The following EPPK1 variants were observed in gnomAD, a reference collection of about 807,000 sequenced individuals.
EPPK1 encodes the protein epiplakin 1.
For missense variants in EPPK1, 3,823 were observed against 3,673.3 expected (o/e 1.04, Z -1.05); for synonymous variants, 1,862 against 1,721.2 (o/e 1.08, Z -2.03).
At position 143,871,556 on chromosome 8, in the gene EPPK1, G is replaced by C. The variant is rs782084767; in HGVS notation, c.1698C>G (p.Thr566=). ...ARVTFSGLRD[T]VTPGELLKAE... is the part of the protein sequence containing the mutation. ...CTTTCAGCAGCTCTCCTGGTGTCAC[G>C]GTGTCCCTCAGCCCAGAAAAGGTGA... is the stretch of plus-strand genomic sequence containing the variant. The change falls in exon 2 of 2, where the codon ACC becomes ACG. Residue 566 remains threonine (T), a synonymous_variant. Transcript: ENST00000615648. 1.9e-6 allele frequency: 3 copies of C among 1,609,584 alleles called. No homozygotes were observed. The highest frequency in any genetic ancestry group is 2.2e-5 in the East Asian group (1 of 44,754).
chr8:143,869,870 G>C lies in EPPK1; in HGVS notation c.3384C>G (p.Val1128=). 6.2e-7 allele frequency: 1 copy of C among 1,604,918 alleles called. No individual in the cohort carries two copies. The highest frequency in any genetic ancestry group is 1.1e-5 in the South Asian group (1 of 89,438). The change falls in exon 2 of 2, where the codon GTC becomes GTG. Residue 1128 remains valine (V), a synonymous_variant. Transcript: ENST00000615648. ...SAPALPTEEQ[V]QRSLQAVPGA... is the part of the protein sequence containing the mutation. ...CCGGCACGGCCTGCAGGCTCCTCTG[G>C]ACCTGCTCCTCGGTGGGGAGGGCAG...
Position 143,865,947 on chromosome 8 carries a change from C to T in EPPK1, c.7307G>A (p.Arg2436His), listed in dbSNP as rs1170913130. 5.5e-4 allele frequency: 35 copies of T among 63,076 alleles called. No homozygotes were observed. In the East Asian group the frequency reaches 9.3e-3, roughly 17 times the overall value. The allele number at this position is 63,076 out of a possible 1,614,324, so 3.9% of individuals were successfully genotyped here. The change falls in exon 2 of 2, where the codon CGC becomes CAC. Residue 2436 changes from arginine to histidine, a missense_variant. Transcript: ENST00000615648. ...QLSEELRCAL[R>H]DARVTPGSGA... ...CGAGCCTGGCGTCACGCGGGCGTCG[C>T]GCAGGGCACAGCGCAGCTCCTCGCT...
chr8:143,873,041 C>T lies in EPPK1; in HGVS notation c.213G>A (p.Gly71=). Residue 71 remains glycine (G), a synonymous_variant, in exon 2 of 2, where the codon GGG becomes GGA. Transcript: ENST00000615648. The part of the protein sequence containing the change: ...MEQGLLPAGL[G]QALLEAQAAT... ...CTGCCTGGGCCTCTAGCAGAGCCTG[C>T]CCGAGCCCAGCAGGCAGGAGGCCCT... The T allele has an allele frequency of 1.3e-6, 2 of 1,565,456 alleles. No homozygotes were observed. The highest frequency in any genetic ancestry group is 1.8e-5 in the Admixed American group (1 of 54,516).
chr8:143,869,132 C>A lies in EPPK1; in HGVS notation c.4122G>T (p.Leu1374=), dbSNP rs1819246101. 1 of 1,606,000 alleles carries A rather than the reference C, an allele frequency of 6.2e-7. No homozygotes were observed. The highest frequency in any genetic ancestry group is 1.3e-5 in the African/African-American group (1 of 74,926). Residue 1374 remains leucine, a synonymous_variant, in exon 2 of 2, where the codon CTG becomes CTT. Coordinates refer to ENST00000615648, the MANE Select transcript of EPPK1 (RefSeq NM_031308.4). ...CGAGTCTGCAGGCTGCCGCCTGGGGCAGGTGCACCCCGTGGACAGGGTCCA... is the reference window on the plus strand; with the variant it reads ...CGAGTCTGCAGGCTGCCGCCTGGGGAAGGTGCACCCCGTGGACAGGGTCCA... ...GVVDPVHGVH[L]PQAAACRLGL...
chr8:143,868,875 C>T lies in EPPK1; in HGVS notation c.4379G>A (p.Gly1460Glu). 6.2e-7 allele frequency: 1 copy of T among 1,610,650 alleles called. No homozygotes were observed. The highest frequency in any genetic ancestry group is 1.1e-5 in the South Asian group (1 of 91,066). Residue 1460 changes from glycine (G) to glutamate (E), a missense_variant, in exon 2 of 2, where the codon GGG becomes GAG. Coordinates refer to ENST00000615648, the MANE Select transcript of EPPK1 (RefSeq NM_031308.4). ...TGACACGCTACACCCCTTAAACCTCCCTGTGCTGACGGGCACCTTCATGGC... is the reference window on the plus strand; with the variant it reads ...TGACACGCTACACCCCTTAAACCTCTCTGTGCTGACGGGCACCTTCATGGC... ...LRAMKVPVST[G>E]RFKGCSVSLW...
chr8:143,871,973 G>C lies in EPPK1; in HGVS notation c.1281C>G (p.Asp427Glu). Residue 427 changes from aspartate (D) to glutamate (E), a missense_variant, in exon 2 of 2, where the codon GAC (aspartate) becomes GAG (glutamate). Coordinates refer to ENST00000615648, the MANE Select transcript of EPPK1 (RefSeq NM_031308.4). ...AALRCGCLDE[D>E]TQRQLSQAGS... ...CAGCCTGCGAGAGCTGCCGCTGAGT[G>C]TCTTCATCCAGGCAGCCGCAGCGCA... 1 of 1,597,386 alleles carries C rather than the reference G, an allele frequency of 6.3e-7. No individual in the cohort carries two copies. Among genetic ancestry groups the C allele is most frequent in the Admixed American group, 1.7e-5 (1 of 59,136 alleles).
rs1819280377 is a variant in EPPK1, at chr8:143,869,886, G to C, written c.3368C>G (p.Pro1123Arg). ...GCTCCTCTGGACCTGCTCCTCGGTG[G>C]GGAGGGCAGGAGCACTTTCTGGCAG... is the stretch of plus-strand genomic sequence containing the variant. The part of the protein sequence containing the change: ...LPLPESAPAL[P>R]TEEQVQRSLQ... The change falls in exon 2 of 2, where the codon CCC becomes CGC. Residue 1123 changes from proline to arginine, a missense_variant. Pro to Arg is a moderately radical substitution (Grantham distance 103, BLOSUM62 -2). Transcript: ENST00000615648. 6.2e-6 allele frequency: 10 copies of C among 1,607,364 alleles called. No homozygotes were observed. The highest frequency in any genetic ancestry group is 7.6e-6 in the Non-Finnish European group (9 of 1,177,630).
At position 143,871,329 on chromosome 8, in the gene EPPK1, A is replaced by T; in HGVS notation, c.1925T>A (p.Ile642Asn). 1 of 1,611,780 alleles carries T rather than the reference A, an allele frequency of 6.2e-7. No homozygotes were observed. Among genetic ancestry groups the T allele is most frequent in the Non-Finnish European group, 8.5e-7 (1 of 1,179,530 alleles). Residue 642 changes from isoleucine to asparagine, a missense_variant, in exon 2 of 2, where the codon ATC becomes AAC. Coordinates refer to ENST00000615648, the MANE Select transcript of EPPK1 (RefSeq NM_031308.4). Reference protein sequence around the residue: ...KGLLRPGTALILLEAQAATGF... With the variant: ...KGLLRPGTALNLLEAQAATGF... ...TGTGGCAGCTTGTGCCTCCAGAAGG[A>T]TGAGGGCAGTGCCGGGCCGGAGGAG... is the stretch of plus-strand genomic sequence containing the variant.
Position 143,869,052 on chromosome 8 carries a change from T to C in EPPK1, c.4202A>G (p.Lys1401Arg). 1 of 1,599,486 alleles carries C rather than the reference T, an allele frequency of 6.3e-7. No homozygotes were observed. Among genetic ancestry groups the C allele is most frequent in the Non-Finnish European group, 8.5e-7 (1 of 1,170,620 alleles). The change falls in exon 2 of 2, where the codon AAG becomes AGG. Residue 1401 changes from lysine to arginine, a missense_variant. Transcript: ENST00000615648. The part of the protein sequence containing the change: ...QVLTAVDKDN[K>R]FFFDPSARDQ... Reference sequence around the variant, plus strand: ...CCGCGCACTGGGGTCAAAGAAGAACTTGTTGTCCTTGTCAACTGCAGTCAG... The same window carrying C: ...CCGCGCACTGGGGTCAAAGAAGAACCTGTTGTCCTTGTCAACTGCAGTCAG...
chr8:143,876,844 G>C (rs1554662354), intron 1 of EPPK1, among the ~76,000 whole-genome samples: 1 of 152,242 alleles, frequency 6.6e-6, no homozygotes, highest in African/African-American at 2.4e-5. Flanking sequence ...TTCCCAGCAA[G>C]GGGGAGGGGC....
rs2130592366 is a variant in EPPK1, at chr8:143,858,087, T to A, written c.15167A>T (p.Asp5056Val). Residue 5056 changes from aspartate to valine, a missense_variant, in exon 2 of 2, where the codon GAC (aspartate) becomes GTC (valine). Asp to Val is a radical substitution (Grantham distance 152). Coordinates refer to ENST00000615648, the MANE Select transcript of EPPK1 (RefSeq NM_031308.4). ...CGTGAGGTTCTCGTGCGTGTTGGGG[T>A]CGAAGAAGCCCTTGGTGTCGTCGCT... Reference protein sequence around the residue: ...DPSDDTKGFFDPNTHENLTYL... With the variant: ...DPSDDTKGFFVPNTHENLTYL... 1 of 1,613,324 alleles carries A rather than the reference T, an allele frequency of 6.2e-7. No homozygotes were observed. Among genetic ancestry groups the A allele is most frequent in the Non-Finnish European group, 8.5e-7 (1 of 1,179,968 alleles).
At chr8:143,875,146 C>T (rs999492980) in intron 1 of EPPK1, among the ~76,000 whole-genome samples, 3 of 152,196 alleles carry the variant, frequency 2.0e-5, no homozygotes, top group Non-Finnish European at 4.4e-5. Flanking sequence ...CTCACAGGCA[C>T]CCCATGCTGC....
Position 143,871,468 on chromosome 8 carries a change from C to T in EPPK1, c.1786G>A (p.Val596Met). The T allele has an allele frequency of 1.2e-6, 2 of 1,608,692 alleles. No individual in the cohort carries two copies. The highest frequency in any genetic ancestry group is 1.7e-6 in the Non-Finnish European group (2 of 1,178,496). ...CTCTGCACCGAGGCCAGGCTGCCCA[C>T]ATCCTTGGCTGTGGCCTGTCCATGC... ...LEHGQATAKD[V>M]GSLASVQRYL... is the part of the protein sequence containing the mutation. Residue 596 changes from valine to methionine, a missense_variant, in exon 2 of 2, where the codon GTG (valine) becomes ATG (methionine). Transcript: ENST00000615648.
At position 143,869,712 on chromosome 8, in the gene EPPK1, C is replaced by A. The variant is rs545187585; in HGVS notation, c.3542G>T (p.Arg1181Met). 100 of 1,597,672 alleles carry A rather than the reference C, an allele frequency of 6.3e-5. 5 individuals carry two copies. The South Asian group carries it at 1.1e-3, about 18-fold the overall frequency. ...CAGGAGCTTGGTCTCCTGTACCCACCTCTGCACAGAGGCTAGCAGCTGTGG... is the reference window on the plus strand; with the variant it reads ...CAGGAGCTTGGTCTCCTGTACCCACATCTGCACAGAGGCTAGCAGCTGTGG... ...TVPQLLASVQRWVQETKLLAQ... is the reference protein window; with the variant it reads ...TVPQLLASVQMWVQETKLLAQ... The change falls in exon 2 of 2, where the codon AGG becomes ATG. Residue 1181 changes from arginine to methionine, a missense_variant. By Grantham distance (91) the Arg-to-Met change is moderately conservative. Coordinates refer to ENST00000615648, the MANE Select transcript of EPPK1 (RefSeq NM_031308.4).
chr8:143,874,411 C>T (rs553429384), intron 1 of EPPK1, among the ~76,000 whole-genome samples: 5 of 152,342 alleles, frequency 3.3e-5, no homozygotes, highest in African/African-American at 7.2e-5. Context: ...GAGGTCATAC[C>T]GGGCTAGGAT....
chr8:143,877,668 C>A (rs1282762818), intron 1 of EPPK1, among the ~76,000 whole-genome samples: 1 of 152,198 alleles, frequency 6.6e-6, no homozygotes, highest in Non-Finnish European at 1.5e-5. Context: ...CAGACCCTGG[C>A]AGCTGCCTGG....
Position 143,867,607 on chromosome 8 carries a change from G to A in EPPK1, c.5647C>T (p.Leu1883Phe), listed in dbSNP as rs373870804. The change falls in exon 2 of 2, where the codon CTC (leucine) becomes TTC (phenylalanine). Residue 1883 changes from leucine (L) to phenylalanine (F), a missense_variant. Physicochemically the swap from Leu to Phe is conservative, Grantham distance 22. Transcript: ENST00000615648. ...GGCTTCACACACTCCAGCGTGCTGA[G>A]TGCCTGTCCCCCAGTCCTCCCCACA... Reference protein sequence around the residue: ...LRVGRTGGQALSTLECVKPYL... With the variant: ...LRVGRTGGQAFSTLECVKPYL... 11 of 1,613,134 alleles carry A rather than the reference G, an allele frequency of 6.8e-6. No homozygotes were observed. The highest frequency in any genetic ancestry group is 9.3e-6 in the Non-Finnish European group (11 of 1,179,892).
rs782662791 is a variant in EPPK1, at chr8:143,867,152, G to A, written c.6102C>T (p.Gly2034=). Residue 2034 remains glycine (G), a synonymous_variant, in exon 2 of 2, where the codon GGC becomes GGT. Transcript: ENST00000615648. ...GCGCATAGATGTCCTTGTGCAGACA[G>A]CCCCGTCTGTAGGCTGTTTCCAGTG... ...RLPLETAYRR[G]CLHKDIYALI... is the part of the protein sequence containing the mutation. The A allele has an allele frequency of 1.7e-5, 28 of 1,612,780 alleles. No homozygotes were observed. The South Asian group carries it at 2.2e-4, about 13-fold the overall frequency.
rs1554660363 is a variant in EPPK1, at chr8:143,869,494, G to A, written c.3760C>T (p.Gln1254Ter). 2 of 1,548,574 alleles carry A rather than the reference G, an allele frequency of 1.3e-6. No homozygotes were observed. Among genetic ancestry groups the A allele is most frequent in the Non-Finnish European group, 1.7e-6 (2 of 1,152,132 alleles). Reference protein sequence around the residue: ...GTGCVAGVLLQPSGAKASIAQ... With the variant: ...GTGCVAGVLL ...ATGCTGGCCTTGGCCCCAGAGGGCT[G>A]TAGCAGCACACCGGCCACGCAGCCT... The change falls in exon 2 of 2, where the codon CAG (glutamine) becomes TAG (stop). Residue 1254 changes from glutamine (Q) to a stop codon, truncating the protein, a stop_gained. Transcript: ENST00000615648. LOFTEE classifies it low-confidence loss of function (END_TRUNC).
Sources: gnomAD v4.1 joint callset for allele counts (sites outside exome capture counted in the v4.1 genomes callset) on GRCh38, gnomAD v4.1.1 for gene constraint, MANE v1.5 for transcripts, NCBI Gene and HGNC (gene_info 2026-07-23, HGNC 2026-07-21) for gene names.